Variants in AP2A2 observed in about 807,000 individuals in gnomAD.
The protein encoded by AP2A2 is AP-2 complex subunit alpha-2.
AP2A2 carries 32 observed loss-of-function variants against 104.2 expected under a neutral mutation model. The ratio of observed to expected loss-of-function variants is 0.31; its 90% CI spans 0.23 to 0.41. AP2A2 has a LOEUF of 0.41. Ranked by LOEUF, AP2A2 falls within the 10% of genes least tolerant of loss-of-function variation. The pLI is 1.00. For missense variants in AP2A2, 912 were observed against 1,261.0 expected, an observed-to-expected ratio of 0.72 and a Z score of 4.19; for synonymous variants, 539 against 533.3, an observed-to-expected ratio of 1.01 and a Z score of -0.15.
chr11:951,028 G>C (rs1008662062), intron 1 of AP2A2, among the ~76,000 whole-genome samples: 1 of 151,800 alleles, frequency 6.6e-6, no homozygotes, highest in African/African-American at 2.4e-5. Flanking sequence ...GGAAGCGGAT[G>C]TTGCAGTGAG....
intron 4 of AP2A2, among the ~76,000 whole-genome samples, chr11:975,368 C>T (rs1184692207): frequency 6.8e-6 from 1 of 147,598 alleles, no homozygotes; most frequent in African/African-American, 2.6e-5. Flanking sequence ...GGTCCTCGGT[C>T]TCCCTCTTAC....
At chr11:977,059 G>C (rs376931521) in intron 4 of AP2A2, 36 bp from the exon 5 acceptor site, 24 of 1,612,008 alleles carry the variant, frequency 1.5e-5, no homozygotes, top group Non-Finnish European at 1.8e-5. Flanking sequence ...GCTGTCTTCA[G>C]CCTGTTGCGA....
chr11:980,846 C>T (rs1016923801), intron 5 of AP2A2, among the ~76,000 whole-genome samples: 2 of 152,246 alleles, frequency 1.3e-5, no homozygotes, highest in African/African-American at 4.8e-5. Context: ...CCAGAGGCAG[C>T]AAGTGCAGAT....
chr11:988,376 A>C (rs1855533218), intron 9 of AP2A2, among the ~76,000 whole-genome samples, 176 bp from the exon 10 acceptor site: 1 of 152,186 alleles, frequency 6.6e-6, no homozygotes, highest in Non-Finnish European at 1.5e-5. Flanking sequence ...GCGGAACTCT[A>C]TTCCGGGCTG....
chr11:1,003,831 C>CT (rs1856107131), intron 16 of AP2A2, 27 bp downstream of exon 16: 1 of 1,456,218 alleles, frequency 6.9e-7, no homozygotes. Flanking sequence ...CTTAATGAAA[C>CT]TGTCTCTTAG....
At chr11:989,218 T>G (rs569125967) in intron 10 of AP2A2, among the ~76,000 whole-genome samples, 1 of 152,110 alleles carries the variant, frequency 6.6e-6, no homozygotes, top group African/African-American at 2.4e-5. Context: ...TGCCAGCTAC[T>G]CCGGAGGCTG....
At chr11:970,373 G>C (rs7394436) in intron 3 of AP2A2, 62 bp downstream of exon 3, 822,977 of 1,577,818 alleles carry the variant, frequency 0.52, 220,032 homozygotes, top group Admixed American at 0.67. Context: ...ACTGAGGCCC[G>C]GTGCCCGTGT....
chr11:938,995 T>G (rs1438392216), intron 1 of AP2A2, among the ~76,000 whole-genome samples: 1 of 152,058 alleles, frequency 6.6e-6, no homozygotes, highest in Non-Finnish European at 1.5e-5. Flanking sequence ...GGCTCACGCC[T>G]GTAATCCTAG....
intron 14 of AP2A2, among the ~76,000 whole-genome samples, chr11:998,252 C>T (rs1855918937): frequency 6.6e-6 from 1 of 152,180 alleles, no homozygotes; most frequent in Admixed American, 6.5e-5. Context: ...TGCAGAGGTG[C>T]TCCGTCACAA....
chr11:1,006,458 T>A, intron 16 of AP2A2, 70 bp from the exon 17 acceptor site: 1 of 1,107,886 alleles, frequency 9.0e-7, no homozygotes, highest in Non-Finnish European at 1.4e-6. Flanking sequence ...GGGGCTCTTG[T>A]TTTTCAGGGT....
chr11:1,010,262 C>G, intron 21 of AP2A2: 1 of 543,680 alleles, frequency 1.8e-6, no homozygotes, highest in Non-Finnish European at 3.3e-6. Flanking sequence ...CTGCTGTCGC[C>G]CAGGGCCTGT....
chr11:959,345 A>G, intron 1 of AP2A2, 92 bp from the exon 2 acceptor site: 1 of 877,470 alleles, frequency 1.1e-6, no homozygotes, highest in Non-Finnish European at 1.8e-6. Context: ...GCCTCATCCC[A>G]TTCGTGAGTT....
At chr11:928,824 C>T (rs1288012094) in intron 1 of AP2A2, among the ~76,000 whole-genome samples, 1 of 152,132 alleles carries the variant, frequency 6.6e-6, no homozygotes, top group East Asian at 1.9e-4. Flanking sequence ...GTTGGATGGC[C>T]TCTCATCAGC....
chr11:985,633 C>G (rs773417043), intron 8 of AP2A2, 51 bp downstream of exon 8: 5 of 1,610,040 alleles, frequency 3.1e-6, no homozygotes, highest in South Asian at 1.1e-5. Flanking sequence ...CACACACGTT[C>G]CTTCTCGTTG....
chr11:940,879 T>C (rs1188593648), intron 1 of AP2A2: 4 of 456,078 alleles, frequency 8.8e-6, no homozygotes, highest in Non-Finnish European at 1.8e-5. Flanking sequence ...GACTCTCGAC[T>C]CTCTTCTCTT....
intron 20 of AP2A2, 75 bp downstream of exon 20, chr11:1,009,472 C>G (rs966026798): frequency 1.4e-6 from 2 of 1,462,300 alleles, no homozygotes; most frequent in Admixed American, 3.7e-5. Flanking sequence ...GGGACGGCCC[C>G]GGGGAACACG....
At chr11:928,220 T>C (rs1419395006) in intron 1 of AP2A2, among the ~76,000 whole-genome samples, 5 of 152,210 alleles carry the variant, frequency 3.3e-5, no homozygotes, top group Non-Finnish European at 5.9e-5. Flanking sequence ...GATCTGAAAA[T>C]AGGTGAGCAT....
chr11:928,667 G>C (rs563548208), intron 1 of AP2A2, among the ~76,000 whole-genome samples: 2 of 152,346 alleles, frequency 1.3e-5, no homozygotes, highest in Non-Finnish European at 1.5e-5. Flanking sequence ...AAAGTTGTCC[G>C]CCGTCGAGAA....
intron 1 of AP2A2, among the ~76,000 whole-genome samples, chr11:928,167 C>G (rs1356920021): frequency 6.6e-6 from 1 of 152,208 alleles, no homozygotes; most frequent in African/African-American, 2.4e-5. Context: ...GCCGTCCTCC[C>G]TTATTTGTGG....
Sources: allele counts gnomAD v4.1 joint callset (sites outside exome capture counted in the v4.1 genomes callset), GRCh38; gene constraint gnomAD v4.1.1; transcripts MANE v1.5; gene names NCBI Gene and HGNC (gene_info 2026-07-23, HGNC 2026-07-21).